The following KLHL23 variants were observed in gnomAD, a reference collection of about 807,000 sequenced individuals.
KLHL23 encodes the protein kelch-like protein 23.
A neutral mutation model predicts 48.9 loss-of-function variants in KLHL23; 33 were observed. The ratio of observed to expected loss-of-function variants is 0.67; its 90% confidence interval spans 0.51 to 0.90. KLHL23 has a LOEUF of 0.90. Ranked by LOEUF, KLHL23 falls within the 40% of genes least tolerant of loss-of-function variation. The pLI, the probability that KLHL23 is intolerant of heterozygous loss-of-function variation, is 0.00. For missense variants in KLHL23, 608 were observed against 669.6 expected (o/e 0.91, Z 1.02); for synonymous variants, 234 against 231.6 (o/e 1.01, Z -0.09).
In KLHL23 at chr2:169,751,490, T is replaced by A. The variant is rs1370536603; in HGVS notation, c.*1758T>A. The A allele has an allele frequency of 2.0e-5, 3 of 152,178 alleles. No homozygotes were observed. Among genetic ancestry groups the A allele is most frequent in the Admixed American group, 2.0e-4 (3 of 15,276 alleles). 9.4% of individuals were successfully genotyped at this position (152,178 alleles called of 1,614,324 possible). On this transcript the variant is annotated 3_prime_UTR_variant, in exon 4 of 4. Coordinates refer to ENST00000392647, the MANE Select transcript of KLHL23 (RefSeq NM_144711.6). ...TATCCTTTGCCCCATAAATTCTACT[T>A]CTATACTTTTAACCTTAAAAATAAT...
At chr2:169,747,389 T>TA (rs10690582) in intron 3 of KLHL23, among the ~76,000 whole-genome samples, 2,602 of 69,194 alleles carry the variant, frequency 0.038, 121 homozygotes, top group Middle Eastern at 0.1. Context: ...ACTCTGTCTC[T>TA]AAAAAAAAAA....
At position 169,749,457 on chromosome 2, in the gene KLHL23, C is replaced by T. The variant is rs1212170353; in HGVS notation, c.1402C>T (p.Leu468Phe). The T allele has an allele frequency of 6.2e-7, 1 of 1,613,286 alleles. No individual in the cohort carries two copies. The highest frequency in any genetic ancestry group is 1.1e-5 in the South Asian group (1 of 91,024). The stretch of plus-strand genomic sequence containing the variant: ...GTGCTCAGTTCCGTTTGAAAATAAG[C>T]TCTATCTAGTCGGCGGACAAACTAC... ...GLCSVPFENK[L>F]YLVGGQTTIT... Residue 468 changes from leucine to phenylalanine, a missense_variant, in exon 4 of 4, where the codon CTC becomes TTC. Physicochemically the swap from Leu to Phe is conservative, Grantham distance 22 (BLOSUM62 0). Coordinates refer to ENST00000392647, the MANE Select transcript of KLHL23 (RefSeq NM_144711.6).
intron 2 of KLHL23, among the ~76,000 whole-genome samples, chr2:169,737,945 A>T (rs1688557089): frequency 6.6e-6 from 1 of 152,204 alleles, no homozygotes; most frequent in Non-Finnish European, 1.5e-5. Context: ...ACTTTACTGA[A>T]ATTTTAAAAA....
At chr2:169,748,744 A>G (rs1339598786) in intron 3 of KLHL23, among the ~76,000 whole-genome samples, 2 of 140,616 alleles carry the variant, frequency 1.4e-5, no homozygotes, top group African/African-American at 5.3e-5. Context: ...AAAATGGAAA[A>G]CATTAAAACA....
chr2:169,750,028 C>CACGTATGTATACAT lies in KLHL23; in HGVS notation c.*297_*298insCGTATGTATACATA, dbSNP rs1558952426. On this transcript the variant is annotated 3_prime_UTR_variant, in exon 4 of 4. Coordinates refer to ENST00000392647, the MANE Select transcript of KLHL23 (RefSeq NM_144711.6). ...GTGTATATATACGTATGTATGTATA[C>CACGTATGTATACAT]ATATGTGTATATATAGTATGTATGT... 1 of 15,916 alleles carries CACGTATGTATACAT rather than the reference C, an allele frequency of 6.3e-5. No individual in the cohort carries two copies. The highest frequency in any genetic ancestry group is 1.8e-4 in the African/African-American group (1 of 5,598). The allele number at this position is 15,916 out of a possible 1,614,324, so 1.0% of individuals were successfully genotyped here. A position where few individuals can be genotyped will look rare whatever the true frequency, so the allele number is the denominator to read the frequency against.
At position 169,735,139 on chromosome 2, in the gene KLHL23, G is replaced by A; in HGVS notation, c.125G>A (p.Cys42Tyr). Residue 42 changes from cysteine (C) to tyrosine (Y), a missense_variant, in exon 2 of 4, where the codon TGT becomes TAT. Around this residue, in one of 3 missense-constraint regions of KLHL23, gnomAD observed 419 missense variants for 473.1 expected, o/e 0.89. Coordinates refer to ENST00000392647, the MANE Select transcript of KLHL23 (RefSeq NM_144711.6). The surrounding 1 kb of genome is among the most constrained non-coding windows in gnomAD (Gnocchi z 4.5). ...DGLFTDITLQ[C>Y]PSGIIFHCHR... is the part of the protein sequence containing the mutation. ...TTATTTACTGATATTACTCTTCAGT[G>A]TCCTTCAGGCATAATTTTCCATTGT... 2 of 1,613,202 alleles carry A rather than the reference G, an allele frequency of 1.2e-6. No individual in the cohort carries two copies. The highest frequency in any genetic ancestry group is 1.1e-5 in the South Asian group (1 of 90,610).
In KLHL23 at chr2:169,740,615, A is replaced by C. The variant is rs995999126; in HGVS notation, c.1214-770A>C. ...AGGCGCCCACCACCACGTCCTGCTA[A>C]TTTTTTGTATTTTTAGTAGAGACGG... On this transcript the variant is annotated intron_variant, in intron 2 of 3. Transcript: ENST00000392647. Among the ~76,000 whole-genome samples the C allele has an allele frequency of 2.3e-4, 35 of 149,878 alleles. No homozygotes were observed. The Middle Eastern group carries it at 0.01, about 44-fold the overall frequency.
chr2:169,736,841 T>C (rs1315473437), intron 2 of KLHL23, among the ~76,000 whole-genome samples: 1 of 152,246 alleles, frequency 6.6e-6, no homozygotes, highest in Non-Finnish European at 1.5e-5. Context: ...TATTTATTCA[T>C]TGGTGCTGAG....
At chr2:169,737,355 C>T (rs1688543488) in intron 2 of KLHL23, among the ~76,000 whole-genome samples, 1 of 152,108 alleles carries the variant, frequency 6.6e-6, no homozygotes, top group African/African-American at 2.4e-5. Context: ...AAGTTGTGAC[C>T]ACTGTCACAC....
chr2:169,750,140 ATATATGTG>A lies in KLHL23; in HGVS notation c.*414_*421del, dbSNP rs1688938428. ...TGTATATATATACACATATATACGT[ATATATGTG>A]TATATATATACACAGTTGAATCAGT... On this transcript the variant is annotated 3_prime_UTR_variant, in exon 4 of 4. Coordinates refer to ENST00000392647, the MANE Select transcript of KLHL23 (RefSeq NM_144711.6). The A allele has an allele frequency of 2.2e-5, 3 of 134,364 alleles. No individual in the cohort carries two copies. Among genetic ancestry groups the A allele is most frequent in the African/African-American group, 9.1e-5 (3 of 32,830 alleles). 8.3% of individuals were successfully genotyped at this position (134,364 alleles called of 1,614,324 possible).
chr2:169,735,874 C>G lies in KLHL23; in HGVS notation c.860C>G (p.Ser287Ter). ...GGAGGCTATTACTGGCATCCTTTAT[C>G]AGAGGTTCACATATGGGATCCTTTG... is the stretch of plus-strand genomic sequence containing the variant. ...IIGGYYWHPL[S>*]EVHIWDPLTN... Residue 287 changes from serine to a stop codon, truncating the protein, a stop_gained, in exon 2 of 4, where the codon TCA becomes TGA. Coordinates refer to ENST00000392647, the MANE Select transcript of KLHL23 (RefSeq NM_144711.6). LOFTEE classifies it high-confidence loss of function. This position sits in a 1 kb window ranked among gnomAD's most constrained non-coding sequence, Gnocchi z 4.5. The G allele has an allele frequency of 6.2e-7, 1 of 1,614,098 alleles. No individual in the cohort carries two copies. Among genetic ancestry groups the G allele is most frequent in the Non-Finnish European group, 8.5e-7 (1 of 1,180,036 alleles).
chr2:169,734,903 A>T (rs953565188), intron 1 of KLHL23, 110 bp from the exon 2 acceptor site: 4 of 1,385,072 alleles, frequency 2.9e-6, no homozygotes, highest in Non-Finnish European at 3.8e-6. Context: ...TAGATGCTGA[A>T]CTTAGTCCAG....
intron 3 of KLHL23, among the ~76,000 whole-genome samples, chr2:169,745,755 C>T (rs1490479171): frequency 2.6e-5 from 4 of 152,142 alleles, no homozygotes; most frequent in Non-Finnish European, 5.9e-5. Context: ...TGACAGTCGT[C>T]TCAGGGTCTC....
At chr2:169,742,885 G>A (rs889334494) in intron 3 of KLHL23, among the ~76,000 whole-genome samples, 1 of 152,236 alleles carries the variant, frequency 6.6e-6, no homozygotes, top group South Asian at 2.1e-4. Flanking sequence ...CAGTCAGTGT[G>A]TGGCAGGCAC....
Position 169,735,303 on chromosome 2 carries a change from A to G in KLHL23, c.289A>G (p.Thr97Ala), listed in dbSNP as rs1365630682. 2 of 1,613,484 alleles carry G rather than the reference A, an allele frequency of 1.2e-6. No homozygotes were observed. The highest frequency in any genetic ancestry group is 1.7e-6 in the Non-Finnish European group (2 of 1,179,954). ...GGAAGGCCTTGTAAATTATGCATACACTTCCCAAATTGAAATAACTAAAAG... is the reference window on the plus strand; with the variant it reads ...GGAAGGCCTTGTAAATTATGCATACGCTTCCCAAATTGAAATAACTAAAAG... ...ILEGLVNYAYTSQIEITKRNV... is the reference protein window; with the variant it reads ...ILEGLVNYAYASQIEITKRNV... The change falls in exon 2 of 4, where the codon ACT (threonine) becomes GCT (alanine). Residue 97 changes from threonine to alanine, a missense_variant. Around this residue, in one of 3 missense-constraint regions of KLHL23, gnomAD observed 419 missense variants for 473.1 expected, o/e 0.89. Coordinates refer to ENST00000392647, the MANE Select transcript of KLHL23 (RefSeq NM_144711.6). This position sits in a 1 kb window ranked among gnomAD's most constrained non-coding sequence, Gnocchi z 4.5.
chr2:169,736,724 G>A (rs73020379), intron 2 of KLHL23, among the ~76,000 whole-genome samples: 24,050 of 152,032 alleles, frequency 0.16, 1,935 homozygotes, highest in Middle Eastern at 0.23. Flanking sequence ...CCTGGGTCTC[G>A]GTATCTGTCT....
chr2:169,749,658 A>T lies in KLHL23; in HGVS notation c.1603A>T (p.Asn535Tyr). 1.2e-6 allele frequency: 2 copies of T among 1,614,038 alleles called. No individual in the cohort carries two copies. Among genetic ancestry groups the T allele is most frequent in the African/African-American group, 2.7e-5 (2 of 75,014 alleles). ...CATTGAGAAATATGATCCAGATCTT[A>T]ATAAGTGGGAAATAGTGGGTAATCT... ...QSIEKYDPDLNKWEIVGNLPS... is the reference protein window; with the variant it reads ...QSIEKYDPDLYKWEIVGNLPS... Residue 535 changes from asparagine to tyrosine, a missense_variant, in exon 4 of 4, where the codon AAT becomes TAT. By Grantham distance (143) the Asn-to-Tyr change is moderately radical. This residue lies in a region of KLHL23 where 179 missense variants were observed against 169.9 expected (regional missense o/e 1.05). Transcript: ENST00000392647.
In KLHL23 at chr2:169,735,257, T is replaced by C. The variant is rs747162986; in HGVS notation, c.243T>C (p.Ser81=). 1 of 1,606,908 alleles carries C rather than the reference T, an allele frequency of 6.2e-7. No homozygotes were observed. The highest frequency in any genetic ancestry group is 8.5e-7 in the Non-Finnish European group (1 of 1,178,460). Residue 81 remains serine, a synonymous_variant, in exon 2 of 4, where the codon TCT becomes TCC. Coordinates refer to ENST00000392647, the MANE Select transcript of KLHL23 (RefSeq NM_144711.6). This position sits in a 1 kb window ranked among gnomAD's most constrained non-coding sequence, Gnocchi z 4.5. ...AATTTAAAAATAAAATAAAACTCTC[T>C]GGCATCCACCATGATATTCTGGAAG... ...KEKFKNKIKL[S]GIHHDILEGL... is the part of the protein sequence containing the mutation.
In KLHL23 at chr2:169,747,112, G is replaced by A. The variant is rs184464342; in HGVS notation, c.1367-2310G>A. Among the ~76,000 whole-genome samples the A allele has an allele frequency of 5.3e-5, 8 of 152,160 alleles. No individual in the cohort carries two copies. The South Asian group carries it at 1.0e-3, about 20-fold the overall frequency. ...TCAAAACCTAGGGAGGGCCAGGCAC[G>A]GTGGCTCACGCCTGTAATCTCAGTG... On this transcript the variant is annotated intron_variant, in intron 3 of 3. Transcript: ENST00000392647.
Sources: allele counts gnomAD v4.1 joint callset (sites outside exome capture counted in the v4.1 genomes callset), GRCh38; gene constraint gnomAD v4.1.1; regional missense constraint gnomAD v4.1.1; non-coding constraint Gnocchi (gnomAD v3.1); transcripts MANE v1.5; gene names NCBI Gene and HGNC (gene_info 2026-07-23, HGNC 2026-07-21).